SYT16: variants seen among roughly 807,000 people sequenced by gnomAD.
SYT16 encodes synaptotagmin 16, also known as synaptotagmin-16.
In SYT16, 42 loss-of-function variants were observed where a neutral mutation model predicts 61.4. The ratio of observed to expected loss-of-function variants is 0.68; its 90% CI spans 0.53 to 0.89. The LOEUF (loss-of-function observed/expected upper bound fraction) is 0.89, where lower values mean the gene tolerates loss of function less well. Ranked by LOEUF, SYT16 falls within the 40% of genes least tolerant of loss-of-function variation. SYT16 has a pLI of 0.00. For missense variants in SYT16, 804 were observed against 807.3 expected, an observed-to-expected ratio of 1.00 and a Z score of 0.05; for synonymous variants, 314 against 302.3, an observed-to-expected ratio of 1.04 and a Z score of -0.40.
chr14:62,024,846 T>C (rs186588479), intron 3 of SYT16, among the ~76,000 whole-genome samples: 101 of 152,246 alleles, frequency 6.6e-4, no homozygotes, highest in African/African-American at 2.4e-3. Context: ...GTTTCTATAA[T>C]TTTGTCTTTA....
intron 3 of SYT16, among the ~76,000 whole-genome samples, chr14:62,016,418 G>A (rs1417521894): frequency 1.3e-5 from 2 of 152,018 alleles, no homozygotes; most frequent in African/African-American, 4.8e-5. Flanking sequence ...CATTGGCCGG[G>A]TGTGGTGGCT....
intron 2 of SYT16, among the ~76,000 whole-genome samples, chr14:61,972,290 G>T (rs1383684105): frequency 6.6e-6 from 1 of 152,184 alleles, no homozygotes; most frequent in Non-Finnish European, 1.5e-5. Context: ...ATGGTTATGA[G>T]GAACTGAGGT....
intron 1 of SYT16, among the ~76,000 whole-genome samples, chr14:61,957,581 A>G (rs890570691): frequency 6.6e-6 from 1 of 151,878 alleles, no homozygotes; most frequent in Non-Finnish European, 1.5e-5. Flanking sequence ...TTTATCTTTC[A>G]TTATGTTAAT....
intron 2 of SYT16, among the ~76,000 whole-genome samples, chr14:61,981,542 A>G (rs2052076681): frequency 6.6e-6 from 1 of 152,196 alleles, no homozygotes; most frequent in Admixed American, 6.5e-5. Context: ...AACAAAGACA[A>G]TTCATTTCCA....
intron 3 of SYT16, among the ~76,000 whole-genome samples, chr14:62,054,794 C>G (rs1374531503): frequency 1.3e-5 from 2 of 152,272 alleles, no homozygotes; most frequent in African/African-American, 4.8e-5. Flanking sequence ...TGACTTGCCT[C>G]TGTTGTGAGA....
At chr14:61,834,501 G>C (rs1315545516) in intron 1 of SYT16, among the ~76,000 whole-genome samples, 2 of 129,348 alleles carry the variant, frequency 1.5e-5, no homozygotes, top group South Asian at 2.6e-4. Context: ...AATGTGGTGT[G>C]ATCTCGGCTC....
chr14:61,819,147 G>C (rs1009263492), intron 1 of SYT16, among the ~76,000 whole-genome samples: 17 of 152,156 alleles, frequency 1.1e-4, no homozygotes, highest in Admixed American at 1.1e-3. Context: ...TTTTATAAAA[G>C]AAATGGGACA....
intron 3 of SYT16, among the ~76,000 whole-genome samples, chr14:62,041,831 G>A (rs190447830): frequency 1.8e-4 from 28 of 152,040 alleles, no homozygotes; most frequent in Admixed American, 7.2e-4. Flanking sequence ...TGTTTCTTAC[G>A]TTGATTATTT....
At chr14:61,939,288 T>G (rs2050117024) in intron 1 of SYT16, among the ~76,000 whole-genome samples, 1 of 152,226 alleles carries the variant, frequency 6.6e-6, no homozygotes, top group Non-Finnish European at 1.5e-5. Context: ...ACTGGCAGTC[T>G]GTTTTAGGGC....
At chr14:61,959,120 C>A (rs2051008035) in intron 1 of SYT16, among the ~76,000 whole-genome samples, 1 of 152,146 alleles carries the variant, frequency 6.6e-6, no homozygotes, top group African/African-American at 2.4e-5. Flanking sequence ...TACCATTTTC[C>A]TTTTCAGCCT....
intron 1 of SYT16, among the ~76,000 whole-genome samples, chr14:61,894,291 TAAAAA>T (rs777805364): frequency 7.7e-6 from 1 of 129,494 alleles, no homozygotes; most frequent in Non-Finnish European, 1.7e-5. Flanking sequence ...GTCTCGAAAT[TAAAAA>T]AAAAAAAAAA....
At chr14:61,984,730 A>G (rs77191970) in intron 2 of SYT16, among the ~76,000 whole-genome samples, 4,343 of 152,292 alleles carry the variant, frequency 0.029, 76 homozygotes, top group Admixed American at 0.04. Flanking sequence ...AAATAGAAAT[A>G]TAACTAGCAT....
At chr14:61,926,442 A>G (rs1425909910) in intron 1 of SYT16, among the ~76,000 whole-genome samples, 3 of 152,194 alleles carry the variant, frequency 2.0e-5, no homozygotes, top group Admixed American at 1.3e-4. Flanking sequence ...GGGGGAACTC[A>G]CTTCAAGGCA....
chr14:61,882,561 A>AT (rs1446163939), intron 1 of SYT16, among the ~76,000 whole-genome samples: 1 of 152,148 alleles, frequency 6.6e-6, no homozygotes, highest in Non-Finnish European at 1.5e-5. Context: ...TCAAGATGAG[A>AT]TTTTGGGTGA....
At chr14:62,064,094 T>G (rs1358101400) in intron 3 of SYT16, among the ~76,000 whole-genome samples, 1 of 152,140 alleles carries the variant, frequency 6.6e-6, no homozygotes, top group East Asian at 1.9e-4. Flanking sequence ...TTAATAAAAA[T>G]TTCTACTGTA....
intron 2 of SYT16, among the ~76,000 whole-genome samples, chr14:61,989,179 G>C (rs2052442676): frequency 6.6e-6 from 1 of 152,166 alleles, no homozygotes; most frequent in South Asian, 2.1e-4. Flanking sequence ...ATTAGGGAAA[G>C]ATGATAGGAG....
intron 1 of SYT16, among the ~76,000 whole-genome samples, chr14:61,940,006 CA>C (rs1299518490): frequency 6.6e-6 from 1 of 151,462 alleles, no homozygotes; most frequent in Non-Finnish European, 1.5e-5. Flanking sequence ...CCTTTTTTTT[CA>C]AAAAAACTCT....
chr14:61,913,601 A>G (rs2049010623), intron 1 of SYT16, among the ~76,000 whole-genome samples: 1 of 152,022 alleles, frequency 6.6e-6, no homozygotes, highest in African/African-American at 2.4e-5. Flanking sequence ...ATGAAAGAAA[A>G]TATACTCTGC....
At chr14:62,067,854 T>G (rs1480055858) in intron 3 of SYT16, among the ~76,000 whole-genome samples, 1 of 152,052 alleles carries the variant, frequency 6.6e-6, no homozygotes, top group Non-Finnish European at 1.5e-5. Flanking sequence ...GGTATGGTGG[T>G]GCATGCCTGT....
Sources: gnomAD v4.1 joint callset for allele counts (sites outside exome capture counted in the v4.1 genomes callset) on GRCh38, gnomAD v4.1.1 for gene constraint, MANE v1.5 for transcripts, NCBI Gene and HGNC (gene_info 2026-07-23, HGNC 2026-07-21) for gene names.